Variants in ATG7 observed in about 807,000 individuals in gnomAD.
ATG7 encodes ubiquitin-like modifier-activating enzyme ATG7.
In ATG7, 70 loss-of-function variants were observed where a neutral mutation model predicts 82.4. That is an observed-to-expected ratio of 0.85 (90% CI 0.70 to 1.04). The LOEUF (loss-of-function observed/expected upper bound fraction) is 1.04, where lower values mean the gene tolerates loss of function less well. ATG7 is among the 50% of genes least tolerant of loss of function. The pLI, the probability that ATG7 is intolerant of heterozygous loss-of-function variation, is 0.00. For synonymous variants in ATG7, 287 were observed against 313.0 expected, an observed-to-expected ratio of 0.92 and a Z score of 0.88; for missense variants, 792 against 864.3, an observed-to-expected ratio of 0.92 and a Z score of 1.05.
At chr3:11,411,619 CAAAAAAAAAAAAAAAAA>C (rs71055868) in intron 19 of ATG7, among the ~76,000 whole-genome samples, 3 of 71,766 alleles carry the variant, frequency 4.2e-5, no homozygotes, top group African/African-American at 9.2e-5. Context: ...ACTCTGTCTC[CAAAAAAAAAAAAAAAAA>C]AAAAAAAAAA....
At chr3:11,333,750 T>C (rs1368112871) in intron 11 of ATG7, among the ~76,000 whole-genome samples, 1 of 144,486 alleles carries the variant, frequency 6.9e-6, no homozygotes, top group South Asian at 2.2e-4. Flanking sequence ...ATATATTTCT[T>C]TTTTTTTTTT....
At chr3:11,520,259 T>G (rs1051207267) in intron 20 of ATG7, among the ~76,000 whole-genome samples, 3 of 152,174 alleles carry the variant, frequency 2.0e-5, no homozygotes, top group Admixed American at 2.0e-4. Context: ...TATGCTCCTC[T>G]ACCATGAGTG....
At chr3:11,366,246 T>G (rs2076602420) in intron 18 of ATG7, among the ~76,000 whole-genome samples, 1 of 150,208 alleles carries the variant, frequency 6.7e-6, no homozygotes, top group Non-Finnish European at 1.5e-5. Flanking sequence ...AAATAGAACT[T>G]GTAGAGTTCA....
chr3:11,434,732 G>A (rs979872466), intron 20 of ATG7, among the ~76,000 whole-genome samples: 8 of 152,144 alleles, frequency 5.3e-5, no homozygotes, highest in African/African-American at 1.9e-4. Flanking sequence ...ATGAAGTCTG[G>A]GCAGAGTTCC....
chr3:11,559,399 C>T (rs201909827), downstream of ATG7: 923 of 1,561,232 alleles, frequency 5.9e-4, 2 homozygotes, highest in African/African-American at 1.9e-3. Flanking sequence ...TGGGGCAGTG[C>T]GAGAGGTTGC....
At chr3:11,438,445 A>G (rs911407548) in intron 20 of ATG7, among the ~76,000 whole-genome samples, 1 of 152,200 alleles carries the variant, frequency 6.6e-6, no homozygotes, top group Non-Finnish European at 1.5e-5. Flanking sequence ...TTGTACCTGT[A>G]GTCCTAGCTA....
In ATG7 at chr3:11,333,100, T is replaced by C. The variant is rs894363385; in HGVS notation, c.889+7T>C. ...GAAATGGCATTTAGCCCAGGTAATT[T>C]GCCGGTCTTTGAAAATGCATATAAT... On this transcript the variant is annotated splice_region_variant and intron_variant, in intron 11 of 20. Transcript: ENST00000693202. The C allele has an allele frequency of 2.6e-6, 4 of 1,546,026 alleles. No individual in the cohort carries two copies. Among genetic ancestry groups the C allele is most frequent in the Non-Finnish European group, 3.5e-6 (4 of 1,151,168 alleles).
At chr3:11,348,228 C>T in intron 14 of ATG7, 193 bp downstream of exon 14, 2 of 678,380 alleles carry the variant, frequency 2.9e-6, no homozygotes, top group Non-Finnish European at 4.7e-6. Flanking sequence ...GGCATGGTGG[C>T]TCATACCTGC....
At chr3:11,457,289 G>A (rs1214195357) in intron 20 of ATG7, among the ~76,000 whole-genome samples, 1 of 152,136 alleles carries the variant, frequency 6.6e-6, no homozygotes, top group South Asian at 2.1e-4. Flanking sequence ...TGGGACTGCC[G>A]GTAAATCACT....
intron 20 of ATG7, among the ~76,000 whole-genome samples, chr3:11,497,789 T>C (rs982905338): frequency 1.3e-5 from 2 of 152,138 alleles, no homozygotes; most frequent in Non-Finnish European, 2.9e-5. Context: ...ATCTGCTGTA[T>C]ACATTCACTG....
chr3:11,551,996 G>T (rs1279631764), intron 20 of ATG7, among the ~76,000 whole-genome samples: 1 of 152,192 alleles, frequency 6.6e-6, no homozygotes, highest in African/African-American at 2.4e-5. Flanking sequence ...TGATCCACCC[G>T]CCTTGGCCTC....
At chr3:11,298,929 C>G in intron 4 of ATG7, 74 bp downstream of exon 4, 1 of 1,514,688 alleles carries the variant, frequency 6.6e-7, no homozygotes, top group Non-Finnish European at 9.0e-7. Flanking sequence ...GTCAGCTTTC[C>G]TTTAGAAAGA....
intron 19 of ATG7, among the ~76,000 whole-genome samples, chr3:11,424,972 T>A (rs1248095635): frequency 9.2e-6 from 1 of 108,458 alleles, no homozygotes; most frequent in Admixed American, 8.5e-5. Flanking sequence ...ATGCAAAATA[T>A]CCCTTTTTTT....
intron 20 of ATG7, among the ~76,000 whole-genome samples, chr3:11,444,080 A>G (rs1435844669): frequency 6.6e-6 from 1 of 152,170 alleles, no homozygotes; most frequent in African/African-American, 2.4e-5. Flanking sequence ...ATTATGCTAT[A>G]ATATGTAGAT....
At chr3:11,451,835 C>G (rs2454507) in intron 20 of ATG7, among the ~76,000 whole-genome samples, 25 of 144,330 alleles carry the variant, frequency 1.7e-4, no homozygotes, top group African/African-American at 6.0e-4. Flanking sequence ...CTGTCTCTCT[C>G]TATCTCTCTC....
chr3:11,445,166 CAG>C (rs2084407550), intron 20 of ATG7, among the ~76,000 whole-genome samples: 1 of 152,150 alleles, frequency 6.6e-6, no homozygotes, highest in Admixed American at 6.5e-5. Flanking sequence ...GACCTATAAA[CAG>C]AAATACCATT....
chr3:11,381,494 A>G (rs534300906), intron 19 of ATG7, among the ~76,000 whole-genome samples: 1 of 152,324 alleles, frequency 6.6e-6, no homozygotes, highest in South Asian at 2.1e-4. Flanking sequence ...TCTATTTCTA[A>G]TTAAATTAGC....
At chr3:11,279,646 C>T (rs1365514094) in intron 1 of ATG7, among the ~76,000 whole-genome samples, 1 of 152,120 alleles carries the variant, frequency 6.6e-6, no homozygotes, top group African/African-American at 2.4e-5. Context: ...AATTGAGCCA[C>T]CTCCCTCCAG....
chr3:11,383,573 C>G (rs1295784250), intron 19 of ATG7, among the ~76,000 whole-genome samples: 3 of 152,152 alleles, frequency 2.0e-5, no homozygotes, highest in African/African-American at 7.2e-5. Context: ...CTCAGCCCCA[C>G]AAATAGCTGG....
Sources: gnomAD v4.1 joint callset for allele counts (sites outside exome capture counted in the v4.1 genomes callset) on GRCh38, gnomAD v4.1.1 for gene constraint, MANE v1.5 for transcripts, NCBI Gene and HGNC (gene_info 2026-07-23, HGNC 2026-07-21) for gene names.